The following PRKCA variants were observed in gnomAD, a reference collection of about 807,000 sequenced individuals.
PRKCA encodes protein kinase C alpha.
A neutral mutation model predicts 87.0 loss-of-function variants in PRKCA; 27 were observed. That is an observed-to-expected ratio of 0.31 (90% CI 0.23 to 0.43). PRKCA has a LOEUF of 0.43. Among genes scored for constraint, PRKCA ranks in the 20% least tolerant of loss-of-function variants. The pLI, the probability that PRKCA is intolerant of heterozygous loss-of-function variation, is 1.00. For missense variants in PRKCA, 518 were observed against 852.3 expected (o/e 0.61, Z 4.88); for synonymous variants, 329 against 311.1 (o/e 1.06, Z -0.61).
intron 3 of PRKCA, among the ~76,000 whole-genome samples, chr17:66,514,252 A>C (rs1039564829): frequency 6.6e-6 from 1 of 152,162 alleles, no homozygotes. Flanking sequence ...TAGGCCCTAC[A>C]GATAAAAGGG....
chr17:66,752,481 C>A (rs908139736), intron 13 of PRKCA, among the ~76,000 whole-genome samples: 1 of 152,042 alleles, frequency 6.6e-6, no homozygotes, highest in Non-Finnish European at 1.5e-5. Context: ...CTGTGTAGTC[C>A]CAGCTACTCA....
At position 66,704,324 on chromosome 17, in the gene PRKCA, T is replaced by C. The variant is rs139010270; in HGVS notation, c.918+15277T>C. On this transcript the variant is annotated intron_variant, in intron 8 of 16. Transcript: ENST00000413366. ...AATGTGTCTATAACACTTCGCTCAATTTTAATTTGTATCTTTATTATAGCT... is the reference window on the plus strand; with the variant it reads ...AATGTGTCTATAACACTTCGCTCAACTTTAATTTGTATCTTTATTATAGCT... 8.2e-3 allele frequency among the ~76,000 whole-genome samples: 1,256 copies of C among 152,344 alleles called. 23 individuals are homozygous for C. The highest frequency in any genetic ancestry group is 0.029 in the African/African-American group (1,191 of 41,578).
chr17:66,619,131 C>G (rs185402597), intron 3 of PRKCA, among the ~76,000 whole-genome samples: 3 of 152,106 alleles, frequency 2.0e-5, no homozygotes, highest in Admixed American at 1.3e-4. Flanking sequence ...AAGCTAGGGT[C>G]GGGAAACTAG....
At chr17:66,573,643 C>T (rs1306828482) in intron 3 of PRKCA, among the ~76,000 whole-genome samples, 4 of 152,144 alleles carry the variant, frequency 2.6e-5, no homozygotes, top group Non-Finnish European at 5.9e-5. Flanking sequence ...ACAATGTTGA[C>T]AGGCATTTAC....
chr17:66,484,169 C>T (rs549404547), intron 2 of PRKCA, among the ~76,000 whole-genome samples: 1 of 152,184 alleles, frequency 6.6e-6, no homozygotes, highest in South Asian at 2.1e-4. Flanking sequence ...CTCACTACGA[C>T]GAGAACAGTA....
intron 8 of PRKCA, among the ~76,000 whole-genome samples, chr17:66,692,109 C>G (rs1483364659): frequency 1.3e-5 from 2 of 152,160 alleles, no homozygotes; most frequent in Non-Finnish European, 2.9e-5. Flanking sequence ...GAGCGCCAGC[C>G]CAAGGCTGTG....
At chr17:66,447,541 G>A (rs1166763609) in intron 2 of PRKCA, among the ~76,000 whole-genome samples, 2 of 152,184 alleles carry the variant, frequency 1.3e-5, no homozygotes, top group East Asian at 1.9e-4. Context: ...AGCTTAACTG[G>A]GGGAGTGAGT....
chr17:66,559,587 G>A (rs553306543), intron 3 of PRKCA, among the ~76,000 whole-genome samples: 6 of 149,918 alleles, frequency 4.0e-5, no homozygotes, highest in South Asian at 4.4e-4. Flanking sequence ...ACACGCAGCC[G>A]GTGAGTGACA....
intron 2 of PRKCA, among the ~76,000 whole-genome samples, chr17:66,448,361 A>T (rs1048131689): frequency 1.3e-5 from 2 of 152,074 alleles, no homozygotes; most frequent in African/African-American, 4.8e-5. Flanking sequence ...GATACCTGAA[A>T]ATTGGTTTCG....
intron 2 of PRKCA, among the ~76,000 whole-genome samples, chr17:66,453,432 C>T (rs1172519006): frequency 6.6e-6 from 1 of 152,058 alleles, no homozygotes; most frequent in African/African-American, 2.4e-5. Context: ...ATTCTCCTGC[C>T]TCAGCCTCCT....
chr17:66,418,019 T>C (rs547689599), intron 2 of PRKCA, among the ~76,000 whole-genome samples: 3 of 152,334 alleles, frequency 2.0e-5, no homozygotes, highest in African/African-American at 7.2e-5. Flanking sequence ...AGCGTGGACC[T>C]CTTCATGGGC....
intron 2 of PRKCA, among the ~76,000 whole-genome samples, chr17:66,465,105 T>C (rs989483497): frequency 3.3e-5 from 5 of 152,184 alleles, no homozygotes; most frequent in African/African-American, 1.2e-4. Context: ...CTTAAGTAAA[T>C]AAATGAATGA....
chr17:66,420,491 G>C (rs1194409046), intron 2 of PRKCA, among the ~76,000 whole-genome samples: 3 of 152,056 alleles, frequency 2.0e-5, no homozygotes, highest in Non-Finnish European at 4.4e-5. Context: ...CGACCATTCT[G>C]TTTTTCATTT....
intron 8 of PRKCA, among the ~76,000 whole-genome samples, chr17:66,725,369 C>T (rs1053595844): frequency 1.3e-5 from 2 of 152,136 alleles, no homozygotes; most frequent in African/African-American, 4.8e-5. Flanking sequence ...GCTTAATGAG[C>T]ACAAATGTGA....
At chr17:66,508,850 T>C (rs1436993947) in intron 3 of PRKCA, among the ~76,000 whole-genome samples, 1 of 152,098 alleles carries the variant, frequency 6.6e-6, no homozygotes, top group Admixed American at 6.5e-5. Context: ...CCAGTTGTTG[T>C]TGTTTTTGTT....
chr17:66,449,397 T>TA (rs35328720), intron 2 of PRKCA, among the ~76,000 whole-genome samples: 23 of 149,522 alleles, frequency 1.5e-4, no homozygotes, highest in African/African-American at 5.1e-4. Flanking sequence ...ATATTGCCTT[T>TA]AAAAAAAAAA....
intron 2 of PRKCA, among the ~76,000 whole-genome samples, chr17:66,351,939 T>A (rs917691319): frequency 6.6e-6 from 1 of 152,130 alleles, no homozygotes; most frequent in African/African-American, 2.4e-5. Context: ...TGGTTGGGCT[T>A]CCTCCACTTC....
chr17:66,640,440 A>C (rs1164421300), intron 3 of PRKCA, among the ~76,000 whole-genome samples: 2 of 152,208 alleles, frequency 1.3e-5, no homozygotes, highest in African/African-American at 4.8e-5. Context: ...ATGAAATTGC[A>C]GTGGGCTATG....
chr17:66,465,953 A>G (rs1220405501), intron 2 of PRKCA, among the ~76,000 whole-genome samples: 1 of 152,080 alleles, frequency 6.6e-6, no homozygotes, highest in Non-Finnish European at 1.5e-5. Context: ...CTCAGTTTGT[A>G]TAGCCTAATG....
Sources: gnomAD v4.1 joint callset for allele counts (sites outside exome capture counted in the v4.1 genomes callset) on GRCh38, gnomAD v4.1.1 for gene constraint, MANE v1.5 for transcripts, NCBI Gene and HGNC (gene_info 2026-07-23, HGNC 2026-07-21) for gene names.